The following BCAS4 variants were observed in gnomAD, a reference collection of about 807,000 sequenced individuals.
BCAS4 encodes breast carcinoma-amplified sequence 4.
In BCAS4, 9 loss-of-function variants were observed where a neutral mutation model predicts 15.7. The ratio of observed to expected loss-of-function variants is 0.57; its 90% CI spans 0.34 to 1.00. BCAS4 has a LOEUF of 1.00. Among genes scored for constraint, BCAS4 ranks in the 50% least tolerant of loss-of-function variants. The pLI is 0.02. For synonymous variants in BCAS4, 101 were observed against 99.5 expected, an observed-to-expected ratio of 1.02 and a Z score of -0.09; for missense variants, 225 against 239.1, an observed-to-expected ratio of 0.94 and a Z score of 0.39.
At chr20:50,805,604 C>G (rs1023952246) in intron 1 of BCAS4, among the ~76,000 whole-genome samples, 1 of 152,134 alleles carries the variant, frequency 6.6e-6, no homozygotes, top group Non-Finnish European at 1.5e-5. Context: ...TCTCCCTGAC[C>G]TGGAGGCTGA....
rs1430971569 is a variant in BCAS4 at position 50,820,372 on chromosome 20, G to A, written c.162+2090G>A. On this transcript the variant is annotated intron_variant, in intron 2 of 4. Transcript: ENST00000371608. ...CTGCCTAGGAAATTGGGAAGGCTTC[G>A]TATAACAGGTGGTGATGAATCTGGG... 5.3e-5 allele frequency among the ~76,000 whole-genome samples: 8 copies of A among 152,296 alleles called. No homozygotes were observed. The South Asian group carries it at 8.3e-4, about 16-fold the overall frequency.
rs113894549 is a variant in BCAS4, at chr20:50,876,374, T to C, written c.400-112T>C. 2.0e-3 allele frequency: 2,839 copies of C among 1,429,622 alleles called. 56 individuals are homozygous for C. The African/African-American group carries it at 0.033, about 17-fold the overall frequency. 88.6% of individuals were successfully genotyped at this position (1,429,622 alleles called of 1,614,324 possible). A position where few individuals can be genotyped will look rare whatever the true frequency, so the allele number is the denominator to read the frequency against. ...GCAGTGCTGTCAGAGGAGCTCAGAGTCTTTGGTCATATGTGTGAGTCCTGC... is the reference window on the plus strand; with the variant it reads ...GCAGTGCTGTCAGAGGAGCTCAGAGCCTTTGGTCATATGTGTGAGTCCTGC... On this transcript the variant is annotated intron_variant, in intron 4 of 4. Transcript: ENST00000371608.
chr20:50,795,552 G>C (rs927728696), intron 1 of BCAS4, among the ~76,000 whole-genome samples: 1 of 152,032 alleles, frequency 6.6e-6, no homozygotes, highest in Non-Finnish European at 1.5e-5. Flanking sequence ...GCGGCTGTGC[G>C]GGCCGCGCTG....
intron 4 of BCAS4, among the ~76,000 whole-genome samples, chr20:50,854,853 C>T (rs945404579): frequency 2.0e-5 from 3 of 152,224 alleles, no homozygotes; most frequent in South Asian, 2.1e-4. Flanking sequence ...AATAACCTGT[C>T]GCCTGCTTCC....
intron 2 of BCAS4, among the ~76,000 whole-genome samples, chr20:50,828,459 G>C (rs78421929): frequency 0.024 from 3,670 of 152,122 alleles, 157 homozygotes; most frequent in African/African-American, 0.085. Flanking sequence ...AGGAAAAACA[G>C]GTATAGTTTT....
intron 1 of BCAS4, among the ~76,000 whole-genome samples, chr20:50,807,476 G>A (rs1258477839): frequency 6.6e-6 from 1 of 152,244 alleles, no homozygotes; most frequent in Non-Finnish European, 1.5e-5. Context: ...TTACAGGCAT[G>A]GGCCACTGCA....
rs1357691749 is a variant in BCAS4, at chr20:50,795,092, C to T, written c.9C>T (p.Leu3=). The T allele has an allele frequency of 6.6e-7, 1 of 1,505,076 alleles. No individual in the cohort carries two copies. Among genetic ancestry groups the T allele is most frequent in the Admixed American group, 2.1e-5 (1 of 48,274 alleles). The allele number at this position is 1,505,076 out of a possible 1,614,324, so 93.2% of individuals were successfully genotyped here. A position where few individuals can be genotyped will look rare whatever the true frequency, so the allele number is the denominator to read the frequency against. The change falls in exon 1 of 5, where the codon CTC becomes CTT. Residue 3 remains leucine, a synonymous_variant. Coordinates refer to ENST00000371608, the MANE Select transcript of BCAS4 (RefSeq NM_198799.4). ...ACCCCGTCGCCCTCCTGATGCTGCT[C>T]GTGGACGCTGATCAGCCGGAGCCCA... ML[L]VDADQPEPMR...
intron 4 of BCAS4, among the ~76,000 whole-genome samples, chr20:50,874,384 G>A (rs567904978): frequency 1.5e-3 from 227 of 152,074 alleles, no homozygotes; most frequent in African/African-American, 5.0e-3. Flanking sequence ...TGCTGCTGAG[G>A]CTGTGAAGGT....
intron 1 of BCAS4, among the ~76,000 whole-genome samples, chr20:50,801,821 G>C (rs903674076): frequency 3.3e-5 from 5 of 152,122 alleles, no homozygotes; most frequent in Non-Finnish European, 5.9e-5. Context: ...GGGGTGATAG[G>C]GACTGAGGGG....
At chr20:50,882,571 T>A in the BCAS4 span, 1 of 152,226 alleles carries the variant, frequency 6.6e-6, no homozygotes, top group Non-Finnish European at 1.5e-5. Flanking sequence ...GTGAGAGGTA[T>A]CCTTTTCACT....
chr20:50,864,941 A>C (rs1979282282), intron 4 of BCAS4, among the ~76,000 whole-genome samples: 2 of 151,704 alleles, frequency 1.3e-5, no homozygotes, highest in Non-Finnish European at 2.9e-5. Context: ...TAAAAATATA[A>C]AACTAGCCAG....
At chr20:50,869,464 C>T (rs1979524793) in intron 4 of BCAS4, among the ~76,000 whole-genome samples, 1 of 152,154 alleles carries the variant, frequency 6.6e-6, no homozygotes, top group Non-Finnish European at 1.5e-5. Context: ...CCCAGCAGCC[C>T]TGTTGACCTG....
downstream of BCAS4, chr20:50,877,777 G>C (rs1397481859): frequency 6.6e-6 from 1 of 152,470 alleles, no homozygotes; most frequent in Admixed American, 6.5e-5. Flanking sequence ...TGGCAAGATA[G>C]AGTAGAGGCC....
intron 4 of BCAS4, among the ~76,000 whole-genome samples, chr20:50,872,282 AAAG>A (rs1427049703): frequency 1.4e-5 from 2 of 147,542 alleles, no homozygotes; most frequent in East Asian, 4.0e-4. Flanking sequence ...AAAAAAAAAA[AAAG>A]AGGGGCCGGG....
At chr20:50,848,108 T>C (rs1039256828) in intron 4 of BCAS4, among the ~76,000 whole-genome samples, 1 of 151,468 alleles carries the variant, frequency 6.6e-6, no homozygotes, top group African/African-American at 2.4e-5. Context: ...GGGGGCCCTT[T>C]AGCTGGGCAT....
chr20:50,807,070 C>G (rs1304099440), intron 1 of BCAS4, among the ~76,000 whole-genome samples: 1 of 152,010 alleles, frequency 6.6e-6, no homozygotes, highest in African/African-American at 2.4e-5. Context: ...TGGGGTTTCA[C>G]TATGTTGGCC....
intron 4 of BCAS4, among the ~76,000 whole-genome samples, chr20:50,875,219 G>C (rs973361543): frequency 7.2e-5 from 11 of 152,242 alleles, no homozygotes; most frequent in African/African-American, 9.6e-5. Flanking sequence ...CGCATGGCCA[G>C]GTTTGACAGC....
chr20:50,809,538 T>G (rs1168030150), intron 1 of BCAS4, among the ~76,000 whole-genome samples: 2 of 152,226 alleles, frequency 1.3e-5, no homozygotes, highest in Non-Finnish European at 2.9e-5. Context: ...TCAGGTAATG[T>G]GATGCCTCCA....
At chr20:50,796,604 C>T (rs1176569639) in intron 1 of BCAS4, among the ~76,000 whole-genome samples, 3 of 136,804 alleles carry the variant, frequency 2.2e-5, no homozygotes, top group Non-Finnish European at 4.6e-5. Flanking sequence ...AAGGAATTCT[C>T]CTGCCTCAGC....
Sources: gnomAD v4.1 joint callset for allele counts (sites outside exome capture counted in the v4.1 genomes callset) on GRCh38, gnomAD v4.1.1 for gene constraint, MANE v1.5 for transcripts, NCBI Gene and HGNC (gene_info 2026-07-23, HGNC 2026-07-21) for gene names.